The following GPD2 variants were observed in gnomAD, a reference collection of about 807,000 sequenced individuals.
GPD2 encodes the protein glycerol-3-phosphate dehydrogenase 2, also known as glycerol-3-phosphate dehydrogenase, mitochondrial.
Under a neutral mutation model 82.4 loss-of-function variants are expected in GPD2, and 54 were observed. The observed-to-expected ratio is 0.66, with a 90% CI of 0.53 to 0.82. The LOEUF is 0.82. Ranked by LOEUF, GPD2 falls within the 40% of genes least tolerant of loss-of-function variation. The pLI is 0.00. For missense variants in GPD2, 748 were observed against 896.2 expected, an observed-to-expected ratio of 0.83 and a Z score of 2.11; for synonymous variants, 288 against 306.1, an observed-to-expected ratio of 0.94 and a Z score of 0.62.
upstream of GPD2, chr2:156,435,614 G>A (rs1173118836): frequency 6.6e-6 from 1 of 152,282 alleles, no homozygotes; most frequent in African/African-American, 2.4e-5. Flanking sequence ...TGACATTCAG[G>A]CGGGGAGCCA....
At chr2:156,579,237 G>A in intron 15 of GPD2, 73 bp downstream of exon 15, 1 of 848,044 alleles carries the variant, frequency 1.2e-6, no homozygotes, top group Admixed American at 1.8e-5. Flanking sequence ...TTCTCATCTA[G>A]GGTTTTCTAC....
chr2:156,530,212 G>A (rs1390113775), intron 6 of GPD2, among the ~76,000 whole-genome samples: 1 of 121,528 alleles, frequency 8.2e-6, no homozygotes. Flanking sequence ...TTGTGAATGG[G>A]AGTTCACTCA....
At chr2:156,451,281 C>T (rs1189130210) in intron 1 of GPD2, among the ~76,000 whole-genome samples, 2 of 147,904 alleles carry the variant, frequency 1.4e-5, no homozygotes, top group Non-Finnish European at 3.0e-5. Context: ...GGGCAGCTGG[C>T]AGGGCGGGGG....
intron 3 of GPD2, among the ~76,000 whole-genome samples, chr2:156,507,886 C>G (rs1346111826): frequency 6.6e-6 from 1 of 152,162 alleles, no homozygotes; most frequent in Non-Finnish European, 1.5e-5. Context: ...CGTTTGCCTT[C>G]TCTTTCTTAA....
In GPD2 at chr2:156,473,208, G is replaced by C. The variant is rs1008051847; in HGVS notation, c.-8-2890G>C. 2.6e-5 allele frequency among the ~76,000 whole-genome samples: 4 copies of C among 152,130 alleles called. No individual in the cohort carries two copies. The South Asian group carries it at 8.3e-4, about 32-fold the overall frequency. On this transcript the variant is annotated intron_variant, in intron 1 of 16. Coordinates refer to ENST00000438166, the MANE Select transcript of GPD2 (RefSeq NM_000408.5). Reference sequence around the variant, plus strand: ...TTATTTTTTTAAATTATGGAAAAAGGAAAACTCTTTATTGATTATAGTTGA... The same window carrying C: ...TTATTTTTTTAAATTATGGAAAAAGCAAAACTCTTTATTGATTATAGTTGA...
intron 13 of GPD2, among the ~76,000 whole-genome samples, chr2:156,575,290 C>T (rs1269426595): frequency 6.6e-6 from 1 of 151,898 alleles, no homozygotes; most frequent in Non-Finnish European, 1.5e-5. Context: ...TAGATTGTGA[C>T]ATTTTAAGTT....
intron 1 of GPD2, among the ~76,000 whole-genome samples, chr2:156,474,357 A>C (rs1356834607): frequency 6.6e-6 from 1 of 152,194 alleles, no homozygotes; most frequent in Non-Finnish European, 1.5e-5. Flanking sequence ...ATGGACCCAA[A>C]TATTTAACCG....
At chr2:156,487,317 T>TA (rs979634023) in intron 2 of GPD2, among the ~76,000 whole-genome samples, 41 of 146,338 alleles carry the variant, frequency 2.8e-4, no homozygotes, top group East Asian at 1.6e-3. Flanking sequence ...GTCTCAAATT[T>TA]AAAAAAAAAA....
intron 16 of GPD2, among the ~76,000 whole-genome samples, chr2:156,581,913 TTACA>T (rs1362847120): frequency 6.6e-6 from 1 of 151,974 alleles, no homozygotes; most frequent in Non-Finnish European, 1.5e-5. Flanking sequence ...TTTTGAGAAT[TTACA>T]TACATACATA....
intron 6 of GPD2, among the ~76,000 whole-genome samples, chr2:156,537,651 A>G (rs1686133352): frequency 6.6e-6 from 1 of 152,224 alleles, no homozygotes; most frequent in Admixed American, 6.5e-5. Context: ...GAGTCTTACT[A>G]CATGTCACCA....
At chr2:156,452,786 C>T (rs1274693247) in intron 1 of GPD2, among the ~76,000 whole-genome samples, 2 of 151,646 alleles carry the variant, frequency 1.3e-5, no homozygotes, top group South Asian at 4.2e-4. Context: ...TTCTGAAGAG[C>T]CAGGAAGGAA....
chr2:156,447,384 G>A (rs1012592065), intron 1 of GPD2, among the ~76,000 whole-genome samples: 3 of 151,944 alleles, frequency 2.0e-5, no homozygotes, highest in African/African-American at 7.3e-5. Context: ...ACTCAGGCTG[G>A]ATTGCAGTAG....
In GPD2 at chr2:156,554,261, T is replaced by A. The variant is rs148976758; in HGVS notation, c.972-3128T>A. Among the ~76,000 whole-genome samples, 5 of 152,334 alleles carry A rather than the reference T, an allele frequency of 3.3e-5. No homozygotes were observed. The East Asian group carries it at 9.6e-4, about 29-fold the overall frequency. ...GTCAATCATACTTAGCAGCTGTCACTCAACAGTTTTGACTAGGTCTTCAGG... is the reference window on the plus strand; with the variant it reads ...GTCAATCATACTTAGCAGCTGTCACACAACAGTTTTGACTAGGTCTTCAGG... On this transcript the variant is annotated intron_variant, in intron 8 of 16. Transcript: ENST00000438166.
the GPD2 span, among the ~76,000 whole-genome samples, chr2:156,411,368 T>C: frequency 6.6e-6 from 1 of 152,138 alleles, no homozygotes; most frequent in Middle Eastern, 3.4e-3. Flanking sequence ...CAGGCTGGAG[T>C]GCAATGGTGT....
chr2:156,525,423 C>T (rs556204915), intron 6 of GPD2, among the ~76,000 whole-genome samples: 23 of 152,280 alleles, frequency 1.5e-4, no homozygotes, highest in African/African-American at 2.6e-4. Flanking sequence ...TTGACTCCCT[C>T]ATGTGGAAAA....
intron 1 of GPD2, among the ~76,000 whole-genome samples, chr2:156,467,447 A>T (rs1247556256): frequency 2.0e-5 from 3 of 152,212 alleles, no homozygotes; most frequent in Non-Finnish European, 4.4e-5. Context: ...TATCAGGATA[A>T]TGCTTTTCTC....
At chr2:156,578,678 G>A (rs1687911420) in intron 13 of GPD2, among the ~76,000 whole-genome samples, 1 of 152,076 alleles carries the variant, frequency 6.6e-6, no homozygotes, top group African/African-American at 2.4e-5. Context: ...AAAGTTTTAG[G>A]GTGATGGAGA....
chr2:156,439,021 A>AT (rs1682048160), intron 1 of GPD2, among the ~76,000 whole-genome samples: 1 of 152,244 alleles, frequency 6.6e-6, no homozygotes, highest in African/African-American at 2.4e-5. Flanking sequence ...AGAGAGACTT[A>AT]ACATGTCCTG....
chr2:156,546,758 C>T (rs753202958), intron 6 of GPD2, among the ~76,000 whole-genome samples: 2 of 152,132 alleles, frequency 1.3e-5, no homozygotes, highest in African/African-American at 2.4e-5. Flanking sequence ...GCTTCCCTCC[C>T]ACTTATTTAA....
Sources: gnomAD v4.1 joint callset for allele counts (sites outside exome capture counted in the v4.1 genomes callset) on GRCh38, gnomAD v4.1.1 for gene constraint, MANE v1.5 for transcripts, NCBI Gene and HGNC (gene_info 2026-07-23, HGNC 2026-07-21) for gene names.